CCR7: variants seen among roughly 807,000 people sequenced by gnomAD.
CCR7 encodes the protein C-C motif chemokine receptor 7.
Under a neutral mutation model 26.0 loss-of-function variants are expected in CCR7, and 11 were observed. The observed-to-expected ratio is 0.42, with a 90% CI of 0.27 to 0.70. The LOEUF is 0.70. Among genes scored for constraint, CCR7 ranks in the 30% least tolerant of loss-of-function variants. The probability of loss-of-function intolerance (pLI) is 0.23; values close to 1 mark genes in which losing one functional copy is unlikely to be tolerated. For missense variants in CCR7, 360 were observed against 504.0 expected, an observed-to-expected ratio of 0.71 and a Z score of 2.74; for synonymous variants, 189 against 202.1, an observed-to-expected ratio of 0.94 and a Z score of 0.55.
rs934578746 is a variant in CCR7 at position 40,554,972 on chromosome 17, G to T, written c.907C>A (p.Gln303Lys). 4 of 1,614,246 alleles carry T rather than the reference G, an allele frequency of 2.5e-6. No homozygotes were observed. The highest frequency in any genetic ancestry group is 3.4e-6 in the Non-Finnish European group (4 of 1,180,046). ...GTGACGTCGTAGGCGATGTTGAGTTGCTTACTGAGCTCACAGGTGCTACTG... is the reference window on the plus strand; with the variant it reads ...GTGACGTCGTAGGCGATGTTGAGTTTCTTACTGAGCTCACAGGTGCTACTG... ...ITSSTCELSK[Q>K]LNIAYDVTYS... Residue 303 changes from glutamine (Q) to lysine (K), a missense_variant, in exon 3 of 3, where the codon CAA (glutamine) becomes AAA (lysine). Gln to Lys is a moderately conservative substitution (Grantham distance 53). Transcript: ENST00000246657.
intron 1 of CCR7, 128 bp from the exon 2 acceptor site, chr17:40,559,070 G>A: frequency 1.4e-6 from 1 of 721,836 alleles, no homozygotes; most frequent in Non-Finnish European, 2.3e-6. Flanking sequence ...TTTGCTGAAA[G>A]AGAACATCAG....
intron 1 of CCR7, among the ~76,000 whole-genome samples, chr17:40,563,784 G>A (rs905840374): frequency 1.3e-5 from 2 of 152,276 alleles, no homozygotes; most frequent in African/African-American, 4.8e-5. Flanking sequence ...AAGCCTAGGA[G>A]TCTAGCACCC....
chr17:40,556,826 C>T (rs892143977), intron 2 of CCR7, among the ~76,000 whole-genome samples: 4 of 152,154 alleles, frequency 2.6e-5, no homozygotes, highest in African/African-American at 9.7e-5. Context: ...GAGAGGAAGG[C>T]AAATGCTCCC....
At position 40,554,592 on chromosome 17, in the gene CCR7, C is replaced by T; in HGVS notation, c.*150G>A. 1 of 686,302 alleles carries T rather than the reference C, an allele frequency of 1.5e-6. No homozygotes were observed. The highest frequency in any genetic ancestry group is 2.5e-6 in the Non-Finnish European group (1 of 392,232). 42.5% of individuals were successfully genotyped at this position (686,302 alleles called of 1,614,324 possible). ...GTAGCTGGGATTGGGGTGAAGCTAT[C>T]TTCTGGAGCAGGGGCTTGCACTCTG... On this transcript the variant is annotated 3_prime_UTR_variant, in exon 3 of 3. Transcript: ENST00000246657.
chr17:40,556,693 G>T (rs1322744138), intron 2 of CCR7, among the ~76,000 whole-genome samples: 1 of 152,216 alleles, frequency 6.6e-6, no homozygotes, highest in African/African-American at 2.4e-5. Context: ...GAGGGAACAT[G>T]TGTCTTTCTT....
At chr17:40,563,461 T>C (rs2036674285) in intron 1 of CCR7, among the ~76,000 whole-genome samples, 1 of 152,154 alleles carries the variant, frequency 6.6e-6, no homozygotes, top group African/African-American at 2.4e-5. Context: ...GGAGGGTGCC[T>C]CAGAGCTGCT....
rs771282973 is a variant in CCR7, at chr17:40,554,954, C to T, written c.925G>A (p.Asp309Asn). ...ELSKQLNIAY[D>N]VTYSLACVRC... ...ACGCAGGCCAGGCTGTAGGTGACGT[C>T]GTAGGCGATGTTGAGTTGCTTACTG... Residue 309 changes from aspartate to asparagine, a missense_variant, in exon 3 of 3, where the codon GAC (aspartate) becomes AAC (asparagine). Coordinates refer to ENST00000246657, the MANE Select transcript of CCR7 (RefSeq NM_001838.4). The T allele has an allele frequency of 1.1e-5, 17 of 1,614,154 alleles. No individual in the cohort carries two copies. Among genetic ancestry groups the T allele is most frequent in the South Asian group, 7.7e-5 (7 of 91,084 alleles).
In CCR7 at chr17:40,554,785, G is replaced by T. The variant is rs1314998798; in HGVS notation, c.1094C>A (p.Ser365Tyr). Reference protein sequence around the residue: ...WSSCRHIRRSSMSVEAETTTT... With the variant: ...WSSCRHIRRSYMSVEAETTTT... ...GGTGGTCTCGGCCTCCACACTCATG[G>T]AGGAGCGCCGGATGTGCCGACAGGA... Residue 365 changes from serine to tyrosine, a missense_variant, in exon 3 of 3, where the codon TCC becomes TAC. Transcript: ENST00000246657. 6.2e-7 allele frequency: 1 copy of T among 1,613,918 alleles called. No homozygotes were observed. The highest frequency in any genetic ancestry group is 2.2e-5 in the East Asian group (1 of 44,856).
At position 40,565,413 on chromosome 17, in the gene CCR7, G is replaced by A. The variant is rs766959433; in HGVS notation, c.-4C>T. ...AGGCTCACTCACCCAGGTCCATGAC[G>A]CTCTCTGGGCGGTAAAACCACACAG... On this transcript the variant is annotated 5_prime_UTR_variant, in exon 1 of 3. Transcript: ENST00000246657. 13 of 1,613,214 alleles carry A rather than the reference G, an allele frequency of 8.1e-6. No individual in the cohort carries two copies. Among genetic ancestry groups the A allele is most frequent in the Admixed American group, 1.7e-5 (1 of 60,018 alleles).
At chr17:40,558,725 G>A (rs2036619252) in intron 2 of CCR7, among the ~76,000 whole-genome samples, 168 bp downstream of exon 2, 1 of 152,092 alleles carries the variant, frequency 6.6e-6, no homozygotes. Context: ...TGGCTCTCCA[G>A]GGTCACTCAG....
chr17:40,565,265 C>T (rs761285444), intron 1 of CCR7, 135 bp downstream of exon 1: 284 of 824,646 alleles, frequency 3.4e-4, no homozygotes, highest in Non-Finnish European at 5.6e-4. Context: ...TTCCAATGCC[C>T]ACCAAATCAG....
At chr17:40,558,815 C>G (rs557078450) in intron 2 of CCR7, 78 bp downstream of exon 2, 1 of 1,292,610 alleles carries the variant, frequency 7.7e-7, no homozygotes, top group Non-Finnish European at 1.1e-6. Context: ...TAGCAAATGC[C>G]CAGCTCCTCC....
chr17:40,554,737 G>A lies in CCR7; in HGVS notation c.*5C>T. The A allele has an allele frequency of 6.3e-7, 1 of 1,594,760 alleles. No homozygotes were observed. ...AGGTCCCTCTAGTCCAGGCAGAAGAGTCGCCTATGGGGAGAAGGTGGTGGT... is the reference window on the plus strand; with the variant it reads ...AGGTCCCTCTAGTCCAGGCAGAAGAATCGCCTATGGGGAGAAGGTGGTGGT... On this transcript the variant is annotated 3_prime_UTR_variant, in exon 3 of 3. Coordinates refer to ENST00000246657, the MANE Select transcript of CCR7 (RefSeq NM_001838.4).
intron 1 of CCR7, among the ~76,000 whole-genome samples, chr17:40,560,096 C>T (rs2036637741): frequency 1.3e-5 from 2 of 152,148 alleles, no homozygotes; most frequent in Non-Finnish European, 2.9e-5. Flanking sequence ...GCACAAGGCC[C>T]AGATGTGCTC....
intron 2 of CCR7, among the ~76,000 whole-genome samples, chr17:40,557,165 C>CT (rs540326888): frequency 5.9e-5 from 9 of 152,148 alleles, no homozygotes; most frequent in Non-Finnish European, 8.8e-5. Context: ...GCTGCTGGAG[C>CT]TTTTTTTAGC....
intron 1 of CCR7, chr17:40,561,084 G>C (rs1414221376): frequency 6.6e-6 from 1 of 152,256 alleles, no homozygotes; most frequent in East Asian, 1.9e-4. Flanking sequence ...CGCTCTGACT[G>C]TCAGGGAGAA....
At chr17:40,559,778 A>G (rs533847007) in intron 1 of CCR7, among the ~76,000 whole-genome samples, 17 of 152,338 alleles carry the variant, frequency 1.1e-4, no homozygotes, top group Middle Eastern at 3.4e-3. Context: ...GAATAAATAC[A>G]TGAATGACAA....
intron 2 of CCR7, among the ~76,000 whole-genome samples, chr17:40,556,034 G>A (rs997878445): frequency 3.1e-4 from 47 of 152,132 alleles, no homozygotes; most frequent in African/African-American, 1.1e-3. Flanking sequence ...AGCCTCCTGA[G>A]TAGCTGGGAC....
intron 1 of CCR7, among the ~76,000 whole-genome samples, chr17:40,564,659 G>A (rs2036689552): frequency 1.3e-5 from 2 of 152,180 alleles, no homozygotes; most frequent in Admixed American, 6.5e-5. Context: ...AAAGAGTAGA[G>A]TTATCTGCCG....
Sources: allele counts gnomAD v4.1 joint callset (sites outside exome capture counted in the v4.1 genomes callset), GRCh38; gene constraint gnomAD v4.1.1; transcripts MANE v1.5; gene names NCBI Gene and HGNC (gene_info 2026-07-23, HGNC 2026-07-21).